Variants in PTPRM observed in about 807,000 individuals in gnomAD.
PTPRM encodes protein tyrosine phosphatase receptor type M.
Under a neutral mutation model 186.7 loss-of-function variants are expected in PTPRM, and 47 were observed. The ratio of observed to expected loss-of-function variants is 0.25; its 90% CI spans 0.20 to 0.32. PTPRM has a LOEUF of 0.32. Ranked by LOEUF, PTPRM falls within the 10% of genes least tolerant of loss-of-function variation. The pLI is 1.00. For missense variants in PTPRM, 1,494 were observed against 1,865.0 expected, an observed-to-expected ratio of 0.80 and a Z score of 3.66; for synonymous variants, 668 against 674.9, an observed-to-expected ratio of 0.99 and a Z score of 0.16.
intron 1 of PTPRM, among the ~76,000 whole-genome samples, chr18:7,745,506 G>A (rs2040967787): frequency 6.6e-6 from 1 of 152,206 alleles, no homozygotes. Flanking sequence ...TGCCAAGGAA[G>A]AGGTAAATAC....
chr18:7,807,870 C>T (rs188871099), intron 2 of PTPRM, among the ~76,000 whole-genome samples: 2 of 152,230 alleles, frequency 1.3e-5, no homozygotes, highest in East Asian at 1.9e-4. Flanking sequence ...GTAATGTTAC[C>T]GTTGGTTAAA....
intron 14 of PTPRM, among the ~76,000 whole-genome samples, chr18:8,187,634 C>T (rs1424166864): frequency 6.6e-6 from 1 of 152,162 alleles, no homozygotes; most frequent in East Asian, 1.9e-4. Flanking sequence ...AGCAGAAAAA[C>T]GTTAGCAAGA....
chr18:7,648,235 T>C (rs1412859777), intron 1 of PTPRM, among the ~76,000 whole-genome samples: 1 of 152,164 alleles, frequency 6.6e-6, no homozygotes, highest in African/African-American at 2.4e-5. Flanking sequence ...ACTTAATTGA[T>C]AAATGTGTGC....
intron 13 of PTPRM, among the ~76,000 whole-genome samples, chr18:8,140,276 T>C (rs916737161): frequency 6.6e-6 from 1 of 152,088 alleles, no homozygotes; most frequent in African/African-American, 2.4e-5. Context: ...GTAGTCAAAA[T>C]TGGGCCCAGA....
intron 2 of PTPRM, among the ~76,000 whole-genome samples, chr18:7,875,876 A>C (rs1379316599): frequency 6.6e-6 from 1 of 152,126 alleles, no homozygotes; most frequent in East Asian, 1.9e-4. Context: ...CACTTACACA[A>C]ATCGAGATGG....
intron 1 of PTPRM, chr18:7,755,363 C>G (rs1197127879): frequency 6.6e-6 from 1 of 152,006 alleles, no homozygotes; most frequent in East Asian, 1.9e-4. Context: ...CTTCAATCAG[C>G]ATGTTTATAT....
At chr18:8,118,850 C>CT (rs1191196404) in intron 13 of PTPRM, among the ~76,000 whole-genome samples, 31 of 139,206 alleles carry the variant, frequency 2.2e-4, no homozygotes, top group Middle Eastern at 3.7e-3. Context: ...TATACATGGG[C>CT]TTTTTTTTTT....
At chr18:8,203,652 G>C (rs1227689310) in intron 14 of PTPRM, among the ~76,000 whole-genome samples, 2 of 152,126 alleles carry the variant, frequency 1.3e-5, no homozygotes, top group Non-Finnish European at 2.9e-5. Flanking sequence ...ACATGCTAAA[G>C]TATTGGGGGA....
At chr18:7,884,627 A>T (rs2048676284) in intron 2 of PTPRM, among the ~76,000 whole-genome samples, 1 of 152,116 alleles carries the variant, frequency 6.6e-6, no homozygotes, top group African/African-American at 2.4e-5. Context: ...ACATGCTGAA[A>T]ATAGCAGATC....
At position 7,955,290 on chromosome 18, in the gene PTPRM, G is replaced by A. The variant is rs777055154; in HGVS notation, c.1008G>A (p.Thr336=). The change falls in exon 7 of 33, where the codon ACG becomes ACA. Residue 336 remains threonine (T), a synonymous_variant. Coordinates refer to ENST00000580170, the MANE Select transcript of PTPRM (RefSeq NM_001105244.2). ...ATGACCGGCAGCCAGTCGATTCCAC[G>A]AGCTATAAAATTGGACACCTTGACC... The part of the protein sequence containing the change: ...SWNDRQPVDS[T]SYKIGHLDPD... The A allele has an allele frequency of 6.2e-6, 10 of 1,614,138 alleles. No homozygotes were observed. In the Admixed American group the frequency reaches 6.7e-5, roughly 11 times the overall value.
intron 14 of PTPRM, among the ~76,000 whole-genome samples, chr18:8,149,804 T>C (rs1205332198): frequency 6.6e-6 from 1 of 152,208 alleles, no homozygotes; most frequent in Non-Finnish European, 1.5e-5. Flanking sequence ...CCTTTTCATG[T>C]TTAGTGCTTC....
At chr18:8,083,908 T>G (rs1358193174) in intron 9 of PTPRM, among the ~76,000 whole-genome samples, 3 of 152,138 alleles carry the variant, frequency 2.0e-5, no homozygotes, top group Non-Finnish European at 2.9e-5. Context: ...TATCACAGAT[T>G]CAGAAGTAAG....
intron 4 of PTPRM, among the ~76,000 whole-genome samples, chr18:7,921,733 T>G (rs1443896592): frequency 1.2e-5 from 1 of 82,422 alleles, no homozygotes; most frequent in East Asian, 6.0e-4. Context: ...AGATTTCTGT[T>G]TTTTTTTGTT....
chr18:7,912,770 C>T (rs1309348362), intron 4 of PTPRM, among the ~76,000 whole-genome samples: 1 of 152,034 alleles, frequency 6.6e-6, no homozygotes, highest in African/African-American at 2.4e-5. Flanking sequence ...CCGCCCGCCT[C>T]AGCCTCCCAA....
chr18:8,263,856 G>C (rs989688929), intron 19 of PTPRM, among the ~76,000 whole-genome samples: 1 of 152,222 alleles, frequency 6.6e-6, no homozygotes, highest in Admixed American at 6.5e-5. Flanking sequence ...GCACCTGTTC[G>C]TGTGGTTGCT....
At chr18:8,007,124 T>G (rs1282996694) in intron 7 of PTPRM, among the ~76,000 whole-genome samples, 1 of 152,138 alleles carries the variant, frequency 6.6e-6, no homozygotes, top group Non-Finnish European at 1.5e-5. Context: ...ATCTCAGGGG[T>G]AGGACCTAGG....
At chr18:7,627,789 C>G (rs893135009) in intron 1 of PTPRM, among the ~76,000 whole-genome samples, 2 of 152,080 alleles carry the variant, frequency 1.3e-5, no homozygotes, top group African/African-American at 4.8e-5. Context: ...GTGATTTTTC[C>G]TGACAGAAGG....
At chr18:8,163,620 C>G (rs1003446576) in intron 14 of PTPRM, among the ~76,000 whole-genome samples, 1 of 152,120 alleles carries the variant, frequency 6.6e-6, no homozygotes, top group African/African-American at 2.4e-5. Flanking sequence ...ATATAAAGAA[C>G]AACAATAGCA....
chr18:8,092,822 A>T (rs1285758255), intron 11 of PTPRM, among the ~76,000 whole-genome samples: 1 of 152,162 alleles, frequency 6.6e-6, no homozygotes, highest in Admixed American at 6.5e-5. Context: ...ATTAAAAAAC[A>T]AAAACAAACA....
Sources: gnomAD v4.1 joint callset for allele counts (sites outside exome capture counted in the v4.1 genomes callset) on GRCh38, gnomAD v4.1.1 for gene constraint, MANE v1.5 for transcripts, NCBI Gene and HGNC (gene_info 2026-07-23, HGNC 2026-07-21) for gene names.